Variants in NEGR1 observed in about 807,000 individuals in gnomAD.
NEGR1 encodes neuronal growth regulator 1, also known as IgLON family member 4.
NEGR1 carries 10 observed loss-of-function variants against 40.9 expected under a neutral mutation model. The observed-to-expected ratio is 0.24, with a 90% CI of 0.15 to 0.42. The LOEUF (loss-of-function observed/expected upper bound fraction) is 0.42. Ranked by LOEUF, NEGR1 falls within the 10% of genes least tolerant of loss-of-function variation. The pLI is 1.00. For synonymous variants in NEGR1, 185 were observed against 166.8 expected (o/e 1.11, Z -0.84); for missense variants, 352 against 438.9 (o/e 0.80, Z 1.77).
chr1:71,565,407 C>T (rs559904837), intron 6 of NEGR1, among the ~76,000 whole-genome samples: 1 of 152,262 alleles, frequency 6.6e-6, no homozygotes, highest in African/African-American at 2.4e-5. Flanking sequence ...TTCTTGTATA[C>T]AGACTTCATC....
intron 2 of NEGR1, among the ~76,000 whole-genome samples, chr1:71,876,370 C>G (rs1459115994): frequency 6.6e-6 from 1 of 151,974 alleles, no homozygotes; most frequent in Non-Finnish European, 1.5e-5. Flanking sequence ...CAAAAATTAT[C>G]TGGTCATGGT....
At chr1:71,472,915 A>C (rs1373644781) in intron 6 of NEGR1, among the ~76,000 whole-genome samples, 1 of 152,086 alleles carries the variant, frequency 6.6e-6, no homozygotes, top group Non-Finnish European at 1.5e-5. Context: ...AAAAATTAAA[A>C]GATTAAAGAT....
intron 1 of NEGR1, among the ~76,000 whole-genome samples, chr1:72,027,114 G>A (rs1393403574): frequency 6.6e-6 from 1 of 152,010 alleles, no homozygotes; most frequent in East Asian, 1.9e-4. Context: ...TTTTAGTAGA[G>A]ACAGGGTTTC....
At chr1:71,590,400 C>A (rs1010782451) in intron 6 of NEGR1, among the ~76,000 whole-genome samples, 2 of 152,008 alleles carry the variant, frequency 1.3e-5, no homozygotes, top group Non-Finnish European at 2.9e-5. Flanking sequence ...GTACCACTGA[C>A]CTTATTGCAT....
intron 2 of NEGR1, among the ~76,000 whole-genome samples, chr1:71,929,778 T>G: frequency 6.6e-6 from 1 of 151,858 alleles, no homozygotes; most frequent in Admixed American, 6.6e-5. Flanking sequence ...AGCAGGCCCA[T>G]GTCCTGTGAT....
intron 6 of NEGR1, among the ~76,000 whole-genome samples, chr1:71,498,577 C>A (rs985135399): frequency 6.6e-6 from 1 of 152,114 alleles, no homozygotes; most frequent in Non-Finnish European, 1.5e-5. Flanking sequence ...ATGAAAAGCA[C>A]AGCTATGAAA....
intron 1 of NEGR1, among the ~76,000 whole-genome samples, chr1:72,182,728 A>C: frequency 6.6e-6 from 1 of 151,474 alleles, no homozygotes; most frequent in East Asian, 1.9e-4. Context: ...ATGAAATTAA[A>C]ATTTTATAAT....
At chr1:71,878,808 TATA>T (rs1338861808) in intron 2 of NEGR1, among the ~76,000 whole-genome samples, 1 of 152,206 alleles carries the variant, frequency 6.6e-6, no homozygotes, top group East Asian at 1.9e-4. Context: ...CATAGAGCTA[TATA>T]ATATCTATCG....
intron 1 of NEGR1, among the ~76,000 whole-genome samples, chr1:72,127,493 GA>G (rs1650074625): frequency 1.7e-5 from 2 of 116,730 alleles, no homozygotes. Flanking sequence ...AAAAAAAAGG[GA>G]GAATTGCAAT....
chr1:71,992,428 T>G (rs1414753237), intron 1 of NEGR1, among the ~76,000 whole-genome samples: 1 of 152,126 alleles, frequency 6.6e-6, no homozygotes, highest in Non-Finnish European at 1.5e-5. Flanking sequence ...ACTACCCAGT[T>G]GAAATAGAAT....
chr1:72,250,825 C>G (rs930742006), intron 1 of NEGR1, among the ~76,000 whole-genome samples: 1 of 152,174 alleles, frequency 6.6e-6, no homozygotes, highest in African/African-American at 2.4e-5. Flanking sequence ...TCCCTGCCAG[C>G]AGCAATCCGC....
rs886486595 is a variant in NEGR1, at chr1:72,018,582, C to A, written c.177-83271G>T. ...GCCGGGACACCAGGGTAAAAAACATCCAAACTGAACAAACAGACATAAAAT... is the reference window on the plus strand; with the variant it reads ...GCCGGGACACCAGGGTAAAAAACATACAAACTGAACAAACAGACATAAAAT... On this transcript the variant is annotated intron_variant, in intron 1 of 6. Coordinates refer to ENST00000357731, the MANE Select transcript of NEGR1 (RefSeq NM_173808.3). 3.9e-5 allele frequency among the ~76,000 whole-genome samples: 6 copies of A among 152,008 alleles called. No individual in the cohort carries two copies. In the East Asian group the frequency reaches 9.6e-4, roughly 24 times the overall value.
At chr1:71,763,822 G>GA (rs1289472688) in intron 3 of NEGR1, among the ~76,000 whole-genome samples, 10 of 151,044 alleles carry the variant, frequency 6.6e-5, no homozygotes, top group East Asian at 5.8e-4. Flanking sequence ...AAAACATCAG[G>GA]AAAAAAAACA....
intron 2 of NEGR1, among the ~76,000 whole-genome samples, chr1:71,835,050 C>T (rs1658977422): frequency 1.3e-5 from 2 of 152,078 alleles, no homozygotes; most frequent in Admixed American, 1.3e-4. Context: ...TTTCCATGGT[C>T]TTTGCCTGGT....
intron 6 of NEGR1, among the ~76,000 whole-genome samples, chr1:71,501,090 T>G (rs113358032): frequency 6.6e-6 from 1 of 151,978 alleles, no homozygotes; most frequent in Non-Finnish European, 1.5e-5. Context: ...GACATTAATA[T>G]GCAAATAAGA....
intron 3 of NEGR1, 66 bp downstream of exon 3, chr1:71,776,106 T>G: frequency 1.6e-5 from 19 of 1,221,808 alleles, no homozygotes; most frequent in Non-Finnish European, 2.1e-5. Flanking sequence ...TCTGAACAAG[T>G]GAGGTTAGTG....
intron 2 of NEGR1, among the ~76,000 whole-genome samples, chr1:71,786,420 T>C (rs1656909698): frequency 6.6e-6 from 1 of 152,170 alleles, no homozygotes; most frequent in Non-Finnish European, 1.5e-5. Context: ...TTCTCAACAC[T>C]GTGCTCTAGA....
intron 3 of NEGR1, among the ~76,000 whole-genome samples, chr1:71,774,965 C>A (rs976012845): frequency 3.9e-5 from 6 of 152,128 alleles, no homozygotes; most frequent in African/African-American, 1.4e-4. Flanking sequence ...TTATATATTT[C>A]ATTTCTACTA....
chr1:72,146,980 T>C (rs1254875000), intron 1 of NEGR1, among the ~76,000 whole-genome samples: 4 of 152,228 alleles, frequency 2.6e-5, no homozygotes, highest in East Asian at 1.9e-4. Context: ...ATTCTCTTCA[T>C]TGACCTACAT....
Sources: gnomAD v4.1 joint callset for allele counts (sites outside exome capture counted in the v4.1 genomes callset) on GRCh38, gnomAD v4.1.1 for gene constraint, MANE v1.5 for transcripts, NCBI Gene and HGNC (gene_info 2026-07-23, HGNC 2026-07-21) for gene names.